FAM117B: variants seen among roughly 807,000 people sequenced by gnomAD.
FAM117B encodes the protein protein FAM117B.
A neutral mutation model predicts 52.8 loss-of-function variants in FAM117B; 22 were observed. That is an observed-to-expected ratio of 0.42 (90% CI 0.30 to 0.59). FAM117B has a LOEUF of 0.59. Among genes scored for constraint, FAM117B ranks in the 20% least tolerant of loss-of-function variants. The pLI is 0.22. For missense variants in FAM117B, 678 were observed against 802.6 expected (o/e 0.84, Z 1.88); for synonymous variants, 309 against 324.1 (o/e 0.95, Z 0.50).
intron 4 of FAM117B, among the ~76,000 whole-genome samples, chr2:202,735,141 C>T (rs561624433): frequency 3.3e-5 from 5 of 152,208 alleles, no homozygotes; most frequent in Admixed American, 3.3e-4. Context: ...TTCTGTAGAA[C>T]ATTTTCCTAG....
chr2:202,641,462 G>A (rs1386231902), intron 1 of FAM117B, among the ~76,000 whole-genome samples: 1 of 152,152 alleles, frequency 6.6e-6, no homozygotes, highest in African/African-American at 2.4e-5. Context: ...GAGCCAGACT[G>A]TCAGGGTTCA....
At position 202,731,679 on chromosome 2, in the gene FAM117B, C is replaced by T. The variant is rs375801531; in HGVS notation, c.960+5316C>T. ...ACTCCTGACCTCGTGAGCCTCCTGC[C>T]TCGGTCTTCCCAAGTGCTAGGATTA... On this transcript the variant is annotated intron_variant, in intron 4 of 7. Transcript: ENST00000392238. Among the ~76,000 whole-genome samples, 32 of 151,892 alleles carry T rather than the reference C, an allele frequency of 2.1e-4. 1 individual carries two copies. The East Asian group carries it at 4.7e-3, about 22-fold the overall frequency.
chr2:202,702,666 G>T (rs927051649), intron 2 of FAM117B, among the ~76,000 whole-genome samples: 1 of 151,846 alleles, frequency 6.6e-6, no homozygotes, highest in Non-Finnish European at 1.5e-5. Flanking sequence ...CCATTCTCCT[G>T]CCTCAGCCTC....
At chr2:202,705,695 C>G (rs780686693) in intron 2 of FAM117B, among the ~76,000 whole-genome samples, 3 of 152,174 alleles carry the variant, frequency 2.0e-5, no homozygotes, top group Non-Finnish European at 4.4e-5. Flanking sequence ...TTGTCTGATC[C>G]TTTGCGAGTT....
chr2:202,734,357 T>G (rs1049712302), intron 4 of FAM117B, among the ~76,000 whole-genome samples: 1 of 152,102 alleles, frequency 6.6e-6, no homozygotes, highest in Non-Finnish European at 1.5e-5. Context: ...CCCTGTCTCT[T>G]AAAAACAGCA....
chr2:202,757,168 G>C (rs1170588938), intron 5 of FAM117B, 45 bp from the exon 6 acceptor site: 3 of 1,565,820 alleles, frequency 1.9e-6, no homozygotes. Context: ...CTGGTGATTC[G>C]AAATTAATTA....
intron 1 of FAM117B, among the ~76,000 whole-genome samples, chr2:202,682,393 A>G (rs1305526438): frequency 6.6e-6 from 1 of 152,136 alleles, no homozygotes; most frequent in South Asian, 2.1e-4. Context: ...CGGGGCTAGT[A>G]TGGAGTTTGC....
intron 1 of FAM117B, 48 bp downstream of exon 1, chr2:202,635,836 G>T (rs1689676098): frequency 7.3e-7 from 1 of 1,360,752 alleles, no homozygotes; most frequent in Non-Finnish European, 9.5e-7. Flanking sequence ...TGCGGGAAGG[G>T]GTCCCGGGCG....
chr2:202,764,024 GCTGTGGA>G (rs1322100897), intron 7 of FAM117B, among the ~76,000 whole-genome samples: 3 of 152,124 alleles, frequency 2.0e-5, no homozygotes, highest in African/African-American at 4.8e-5. Context: ...CCTCTTCTGT[GCTGTGGA>G]CAGCTTTGGC....
intron 5 of FAM117B, 99 bp from the exon 6 acceptor site, chr2:202,757,114 T>A: frequency 8.5e-7 from 1 of 1,176,248 alleles, no homozygotes; most frequent in Non-Finnish European, 1.2e-6. Flanking sequence ...TTCTGATTTG[T>A]GAGTCTCTGG....
At chr2:202,692,142 A>C (rs1690640638) in intron 1 of FAM117B, among the ~76,000 whole-genome samples, 1 of 152,186 alleles carries the variant, frequency 6.6e-6, no homozygotes, top group African/African-American at 2.4e-5. Context: ...TACCAAGATA[A>C]TAATGTAATA....
At chr2:202,673,454 T>TTTTTTTTTTTTTTC (rs1690331692) in intron 1 of FAM117B, among the ~76,000 whole-genome samples, 1 of 127,924 alleles carries the variant, frequency 7.8e-6, no homozygotes, top group Non-Finnish European at 1.6e-5. Flanking sequence ...TTTTTTTTTT[T>TTTTTTTTTTTTTTC]TTTTTTTTTT....
At chr2:202,653,661 T>G (rs945809842) in intron 1 of FAM117B, among the ~76,000 whole-genome samples, 1 of 152,248 alleles carries the variant, frequency 6.6e-6, no homozygotes, top group African/African-American at 2.4e-5. Flanking sequence ...AATTGAGAGT[T>G]TGAGAAATTC....
Position 202,769,096 on chromosome 2 carries a change from T to C in FAM117B, c.*3332T>C, listed in dbSNP as rs967416242. ...TATTCAATTTGTTTTATATTTCTTATACTTAATACTTATGACTACAGTCCA... is the reference window on the plus strand; with the variant it reads ...TATTCAATTTGTTTTATATTTCTTACACTTAATACTTATGACTACAGTCCA... On this transcript the variant is annotated 3_prime_UTR_variant, in exon 8 of 8. Coordinates refer to ENST00000392238, the MANE Select transcript of FAM117B (RefSeq NM_173511.4). 5 of 152,218 alleles carry C rather than the reference T, an allele frequency of 3.3e-5. No individual in the cohort carries two copies. The highest frequency in any genetic ancestry group is 4.4e-5 in the Non-Finnish European group (3 of 68,036). 9.4% of individuals were successfully genotyped at this position (152,218 alleles called of 1,614,324 possible).
intron 6 of FAM117B, among the ~76,000 whole-genome samples, chr2:202,757,834 C>G (rs1691827065): frequency 6.6e-6 from 1 of 152,170 alleles, no homozygotes; most frequent in South Asian, 2.1e-4. Context: ...TTTTTAGGAT[C>G]TGTACTTGTG....
At chr2:202,738,845 A>T (rs1408444115) in intron 4 of FAM117B, among the ~76,000 whole-genome samples, 3 of 152,198 alleles carry the variant, frequency 2.0e-5, no homozygotes, top group Admixed American at 2.0e-4. Context: ...TAAGTGCTTA[A>T]TAAGTGCTAC....
At chr2:202,702,260 G>A (rs1412599513) in intron 2 of FAM117B, among the ~76,000 whole-genome samples, 2 of 151,876 alleles carry the variant, frequency 1.3e-5, no homozygotes, top group Non-Finnish European at 2.9e-5. Context: ...GCATGGTGGT[G>A]TGCACCTGTA....
Position 202,765,579 on chromosome 2 carries a change from C to G in FAM117B, c.1585C>G (p.Leu529Val), listed in dbSNP as rs758796300. ...KPLLPTPDLTLKGSGHSLTVT... is the reference protein window; with the variant it reads ...KPLLPTPDLTVKGSGHSLTVT... ...ACTCCTTCCTACCCCGGATCTTACACTCAAGGGCTCTGGCCACAGCCTGAC... is the reference window on the plus strand; with the variant it reads ...ACTCCTTCCTACCCCGGATCTTACAGTCAAGGGCTCTGGCCACAGCCTGAC... Residue 529 changes from leucine to valine, a missense_variant, in exon 8 of 8, where the codon CTC becomes GTC. Physicochemically the swap from Leu to Val is conservative, Grantham distance 32. Coordinates refer to ENST00000392238, the MANE Select transcript of FAM117B (RefSeq NM_173511.4). 8.7e-6 allele frequency: 14 copies of G among 1,614,052 alleles called. No individual in the cohort carries two copies. In the Admixed American group the frequency reaches 1.7e-4, roughly 19 times the overall value.
At chr2:202,692,464 G>A (rs1362810565) in intron 1 of FAM117B, among the ~76,000 whole-genome samples, 1 of 152,030 alleles carries the variant, frequency 6.6e-6, no homozygotes, top group African/African-American at 2.4e-5. Flanking sequence ...TATTATGTAG[G>A]CACTACTATA....
Sources: gnomAD v4.1 joint callset for allele counts (sites outside exome capture counted in the v4.1 genomes callset) on GRCh38, gnomAD v4.1.1 for gene constraint, MANE v1.5 for transcripts, NCBI Gene and HGNC (gene_info 2026-07-23, HGNC 2026-07-21) for gene names.